Variants in PTH2R observed in about 807,000 individuals in gnomAD.
The protein encoded by PTH2R is PTH2 receptor.
PTH2R carries 59 observed loss-of-function variants against 60.3 expected under a neutral mutation model. That is an observed-to-expected ratio of 0.98 (90% confidence interval 0.79 to 1.22). The LOEUF (loss-of-function observed/expected upper bound fraction) is 1.22, where lower values mean the gene tolerates loss of function less well. Ranked by LOEUF, PTH2R falls within the 50% of genes most tolerant of loss-of-function variation. The probability of loss-of-function intolerance (pLI) is 0.00; values close to 1 mark genes in which losing one functional copy is unlikely to be tolerated. For synonymous variants in PTH2R, 256 were observed against 243.8 expected (o/e 1.05, Z -0.47); for missense variants, 749 against 682.6 (o/e 1.10, Z -1.08).
chr2:208,465,219 A>G (rs969330433), intron 9 of PTH2R, among the ~76,000 whole-genome samples: 1 of 150,624 alleles, frequency 6.6e-6, no homozygotes, highest in East Asian at 2.0e-4. Context: ...CAAGCAATCC[A>G]CTCGCCTCTG....
chr2:208,436,812 C>T (rs1036087245), intron 2 of PTH2R, among the ~76,000 whole-genome samples: 8 of 152,066 alleles, frequency 5.3e-5, no homozygotes, highest in African/African-American at 1.9e-4. Context: ...CCAGCACATT[C>T]TATAGTTATT....
upstream of PTH2R, among the ~76,000 whole-genome samples, chr2:208,405,485 TAGAC>T (rs1701385476): frequency 6.6e-6 from 1 of 152,172 alleles, no homozygotes; most frequent in Admixed American, 6.5e-5. Flanking sequence ...ATTGTAAACA[TAGAC>T]AGTGCTTTTC....
At chr2:208,425,216 T>A (rs1457819351) in intron 1 of PTH2R, among the ~76,000 whole-genome samples, 2 of 152,160 alleles carry the variant, frequency 1.3e-5, no homozygotes, top group African/African-American at 4.8e-5. Context: ...ATTTATGACT[T>A]GCAAATCACA....
chr2:208,440,366 T>C (rs552435500), intron 4 of PTH2R, among the ~76,000 whole-genome samples: 56 of 152,348 alleles, frequency 3.7e-4, no homozygotes, highest in African/African-American at 1.2e-3. Flanking sequence ...CTCTCTTTTA[T>C]GTTTTACACA....
At chr2:208,383,837 G>T (rs1386622016) in intron 1 of PTH2R, among the ~76,000 whole-genome samples, 2 of 152,134 alleles carry the variant, frequency 1.3e-5, no homozygotes, top group African/African-American at 4.8e-5. Flanking sequence ...CATCAGTGGG[G>T]ATCTGCATGC....
At chr2:208,428,953 C>T (rs1039472746) in intron 2 of PTH2R, among the ~76,000 whole-genome samples, 3 of 151,978 alleles carry the variant, frequency 2.0e-5, no homozygotes, top group African/African-American at 7.2e-5. Flanking sequence ...GGCGTGGTGG[C>T]GCATGCCTGT....
chr2:208,374,588 C>T (rs1014548500), intron 1 of PTH2R, among the ~76,000 whole-genome samples: 1 of 152,058 alleles, frequency 6.6e-6, no homozygotes, highest in African/African-American at 2.4e-5. Context: ...CTGCAACCTC[C>T]ACCTCCCAGG....
rs777406418 is a variant in PTH2R, at chr2:208,444,720, T to C, written c.700-14T>C. The C allele has an allele frequency of 1.3e-5, 21 of 1,609,724 alleles. No homozygotes were observed. The highest frequency in any genetic ancestry group is 4.0e-5 in the African/African-American group (3 of 74,692). ...GTGTTCTAATATGATGAAATTCTGG[T>C]TTATTTGTAATAGATCGGGTGCAAG... On this transcript the variant is annotated splice_polypyrimidine_tract_variant and intron_variant, in intron 6 of 12. Coordinates refer to ENST00000272847, the MANE Select transcript of PTH2R (RefSeq NM_005048.4).
intron 1 of PTH2R, among the ~76,000 whole-genome samples, chr2:208,365,929 AATAT>A (rs1224025157): frequency 0.083 from 3,627 of 43,644 alleles, 154 homozygotes; most frequent in Non-Finnish European, 0.093. Context: ...ATAATAGATA[AATAT>A]ATATATATAT....
intron 1 of PTH2R, among the ~76,000 whole-genome samples, chr2:208,420,554 G>A (rs1056858401): frequency 1.3e-5 from 2 of 152,014 alleles, no homozygotes; most frequent in Non-Finnish European, 2.9e-5. Flanking sequence ...AATTTAATTG[G>A]TGTTTTTCAT....
At chr2:208,423,782 C>G (rs1381179139) in intron 1 of PTH2R, among the ~76,000 whole-genome samples, 3 of 152,114 alleles carry the variant, frequency 2.0e-5, no homozygotes. Context: ...TTTTTTGATG[C>G]ATACGCATTT....
chr2:208,393,989 T>G (rs923013356), intron 1 of PTH2R, among the ~76,000 whole-genome samples: 4 of 152,182 alleles, frequency 2.6e-5, no homozygotes, highest in African/African-American at 9.7e-5. Context: ...GGAACCTGCT[T>G]TAGCTCTGGG....
chr2:208,473,133 A>C (rs1702922339), intron 9 of PTH2R, among the ~76,000 whole-genome samples: 1 of 152,212 alleles, frequency 6.6e-6, no homozygotes, highest in Non-Finnish European at 1.5e-5. Flanking sequence ...TTCTGAACAC[A>C]TCAAGGAGAA....
chr2:208,425,643 C>T (rs1279389347), intron 1 of PTH2R, among the ~76,000 whole-genome samples: 1 of 152,190 alleles, frequency 6.6e-6, no homozygotes, highest in East Asian at 1.9e-4. Flanking sequence ...ACCAGCTTGT[C>T]TTTGAATTCT....
At chr2:208,413,388 C>T (rs1701579985) in intron 1 of PTH2R, among the ~76,000 whole-genome samples, 3 of 152,094 alleles carry the variant, frequency 2.0e-5, no homozygotes, top group South Asian at 4.2e-4. Context: ...GCCAACCTTA[C>T]CAGAGACAGC....
At chr2:208,399,282 G>C (rs1701265638) in intron 1 of PTH2R, among the ~76,000 whole-genome samples, 1 of 152,042 alleles carries the variant, frequency 6.6e-6, no homozygotes, top group African/African-American at 2.4e-5. Context: ...AACTCAGTAG[G>C]TCTGGGTTGC....
At chr2:208,388,846 A>G (rs934393174) in intron 1 of PTH2R, among the ~76,000 whole-genome samples, 1 of 152,192 alleles carries the variant, frequency 6.6e-6, no homozygotes, top group Admixed American at 6.5e-5. Context: ...ATCCCTAGGA[A>G]GTTTAAAGGC....
At chr2:208,406,660 C>T (rs1701414414), upstream of PTH2R, among the ~76,000 whole-genome samples, 1 of 152,144 alleles carries the variant, frequency 6.6e-6, no homozygotes, top group African/African-American at 2.4e-5. Flanking sequence ...TTGCCCTCCG[C>T]CCCCTGGGCT....
chr2:208,446,933 C>G (rs907894519), intron 7 of PTH2R, among the ~76,000 whole-genome samples: 5 of 152,112 alleles, frequency 3.3e-5, no homozygotes, highest in African/African-American at 1.2e-4. Context: ...ATACTTACTT[C>G]CAATGATGCC....
Sources: gnomAD v4.1 joint callset for allele counts (sites outside exome capture counted in the v4.1 genomes callset) on GRCh38, gnomAD v4.1.1 for gene constraint, MANE v1.5 for transcripts, NCBI Gene and HGNC (gene_info 2026-07-23, HGNC 2026-07-21) for gene names.